The following PARD3 variants were observed in gnomAD, a reference collection of about 807,000 sequenced individuals.
PARD3 encodes the protein partitioning defective 3 homolog.
In PARD3, 75 loss-of-function variants were observed where a neutral mutation model predicts 155.4. The observed-to-expected ratio is 0.48, with a 90% CI of 0.40 to 0.58. PARD3 has a LOEUF of 0.58. PARD3 is among the 20% of genes least tolerant of loss of function. The pLI is 0.00. For missense variants in PARD3, 1,642 were observed against 1,721.7 expected, an observed-to-expected ratio of 0.95 and a Z score of 0.82; for synonymous variants, 576 against 610.5, an observed-to-expected ratio of 0.94 and a Z score of 0.83.
At chr10:34,186,837 T>C (rs543745894) in intron 22 of PARD3, among the ~76,000 whole-genome samples, 8 of 152,228 alleles carry the variant, frequency 5.3e-5, no homozygotes, top group Admixed American at 4.6e-4. Flanking sequence ...ACTCCAACCC[T>C]TCCCAACAGG....
At chr10:34,586,800 T>C (rs2088101804) in intron 2 of PARD3, among the ~76,000 whole-genome samples, 1 of 151,820 alleles carries the variant, frequency 6.6e-6, no homozygotes, top group South Asian at 2.1e-4. Context: ...AAAATAAAAA[T>C]TAGCCGGGCA....
chr10:34,378,433 G>C (rs1841475440), intron 9 of PARD3, among the ~76,000 whole-genome samples: 1 of 151,904 alleles, frequency 6.6e-6, no homozygotes, highest in South Asian at 2.1e-4. Context: ...CATGAAGAAA[G>C]AAAAAAACTT....
intron 2 of PARD3, among the ~76,000 whole-genome samples, chr10:34,529,168 T>C (rs558909003): frequency 2.4e-4 from 36 of 152,260 alleles, no homozygotes; most frequent in Admixed American, 1.7e-3. Context: ...CTACTTGTAA[T>C]TGGGTGCCGT....
At chr10:34,195,073 T>C (rs765253384) in intron 22 of PARD3, among the ~76,000 whole-genome samples, 2 of 152,240 alleles carry the variant, frequency 1.3e-5, no homozygotes, top group Non-Finnish European at 2.9e-5. Flanking sequence ...TTGCTTTACT[T>C]CACAAATAAA....
At chr10:34,507,548 C>CAAAAAAAAAAA (rs374421524) in intron 3 of PARD3, among the ~76,000 whole-genome samples, 29 of 42,862 alleles carry the variant, frequency 6.8e-4, no homozygotes, top group South Asian at 2.0e-3. Context: ...ATTAAAAAAA[C>CAAAAAAAAAAA]AAAAAAAAAA....
chr10:34,191,979 T>C (rs1260486617), intron 22 of PARD3, among the ~76,000 whole-genome samples: 1 of 152,086 alleles, frequency 6.6e-6, no homozygotes, highest in Non-Finnish European at 1.5e-5. Context: ...GAATATGCCA[T>C]CTGGTAGAAA....
chr10:34,112,754 T>C (rs528879052), intron 24 of PARD3, among the ~76,000 whole-genome samples: 50 of 152,326 alleles, frequency 3.3e-4, no homozygotes, highest in Non-Finnish European at 6.3e-4. Context: ...TGCATCAATA[T>C]GGTTTGGAGT....
intron 20 of PARD3, among the ~76,000 whole-genome samples, chr10:34,291,034 G>A (rs1956651331): frequency 6.6e-6 from 1 of 152,170 alleles, no homozygotes; most frequent in African/African-American, 2.4e-5. Flanking sequence ...GTTTCTCTGG[G>A]AAACTTTTAA....
chr10:34,608,622 C>T (rs781095191), intron 2 of PARD3, among the ~76,000 whole-genome samples: 8 of 150,848 alleles, frequency 5.3e-5, no homozygotes, highest in Non-Finnish European at 1.0e-4. Flanking sequence ...GCAACCTCCA[C>T]CTCCCAGGTT....
chr10:34,309,896 C>A (rs1264713296), intron 20 of PARD3, among the ~76,000 whole-genome samples: 581 of 94,954 alleles, frequency 6.1e-3, no homozygotes, highest in African/African-American at 9.5e-3. Context: ...ATCAACCATC[C>A]AAAAAAAAAA....
intron 22 of PARD3, among the ~76,000 whole-genome samples, chr10:34,246,709 A>G (rs1953972109): frequency 6.7e-6 from 1 of 149,368 alleles, no homozygotes; most frequent in Non-Finnish European, 1.5e-5. Context: ...AAGATGAACA[A>G]CTGTGGGCAC....
intron 2 of PARD3, among the ~76,000 whole-genome samples, chr10:34,524,801 C>G (rs1018695620): frequency 2.6e-5 from 4 of 152,224 alleles, no homozygotes; most frequent in African/African-American, 9.6e-5. Context: ...AGGTTGACTC[C>G]AAACTGGAGG....
Position 34,506,535 on chromosome 10 carries a change from G to A in PARD3, c.403+10444C>T, listed in dbSNP as rs78422803. Among the ~76,000 whole-genome samples, 49 of 152,092 alleles carry A rather than the reference G, an allele frequency of 3.2e-4. No individual in the cohort carries two copies. In the East Asian group the frequency reaches 6.4e-3, roughly 20 times the overall value. ...AGCCCAATGGGAGCAAAGAATTCCC[G>A]GGCAACGCAAGCAGATATAAATGAC... On this transcript the variant is annotated intron_variant, in intron 3 of 24. Transcript: ENST00000374788.
intron 15 of PARD3, 117 bp from the exon 16 acceptor site, chr10:34,341,933 C>A: frequency 3.4e-6 from 2 of 593,746 alleles, no homozygotes; most frequent in Non-Finnish European, 5.8e-6. Flanking sequence ...ATCTGCTCAA[C>A]CTGGTAGAAC....
At chr10:34,394,068 C>A (rs1473663384) in intron 7 of PARD3, among the ~76,000 whole-genome samples, 1 of 151,988 alleles carries the variant, frequency 6.6e-6, no homozygotes, top group Non-Finnish European at 1.5e-5. Flanking sequence ...GATCTCTTGA[C>A]TTCATGATCC....
chr10:34,585,463 T>A (rs557178503), intron 2 of PARD3, among the ~76,000 whole-genome samples: 3 of 152,110 alleles, frequency 2.0e-5, no homozygotes, highest in Non-Finnish European at 4.4e-5. Context: ...AAAAATCTGC[T>A]AAACTTCACC....
intron 17 of PARD3, 95 bp downstream of exon 17, chr10:34,337,180 G>T: frequency 5.3e-6 from 4 of 755,858 alleles, no homozygotes; most frequent in Non-Finnish European, 5.8e-6. Context: ...TTTCTCTATT[G>T]CTCAAAGTAA....
At chr10:34,339,469 A>C (rs1836562642) in intron 16 of PARD3, among the ~76,000 whole-genome samples, 1 of 152,206 alleles carries the variant, frequency 6.6e-6, no homozygotes, top group African/African-American at 2.4e-5. Flanking sequence ...TTGGTAAAAG[A>C]TTTTTCAAAG....
chr10:34,422,647 A>C (rs1383761288), intron 5 of PARD3, among the ~76,000 whole-genome samples: 1 of 152,214 alleles, frequency 6.6e-6, no homozygotes, highest in Non-Finnish European at 1.5e-5. Flanking sequence ...ATTTCTCAAA[A>C]GAAGACATAC....
Sources: allele counts gnomAD v4.1 joint callset (sites outside exome capture counted in the v4.1 genomes callset), GRCh38; gene constraint gnomAD v4.1.1; transcripts MANE v1.5; gene names NCBI Gene and HGNC (gene_info 2026-07-23, HGNC 2026-07-21).